The following KCNIP1 variants were observed in gnomAD, a reference collection of about 807,000 sequenced individuals.
KCNIP1 encodes the protein potassium voltage-gated channel interacting protein 1.
In KCNIP1, 18 loss-of-function variants were observed where a neutral mutation model predicts 33.0. The ratio of observed to expected loss-of-function variants is 0.55; its 90% CI spans 0.38 to 0.81. KCNIP1 has a LOEUF of 0.81. Ranked by LOEUF, KCNIP1 falls within the 30% of genes least tolerant of loss-of-function variation. KCNIP1 has a pLI of 0.00. For synonymous variants in KCNIP1, 93 were observed against 98.3 expected (o/e 0.95, Z 0.32); for missense variants, 238 against 271.6 (o/e 0.88, Z 0.87).
intron 1 of KCNIP1, among the ~76,000 whole-genome samples, chr5:170,456,701 T>TTTC (rs1756386571): frequency 2.2e-5 from 3 of 135,678 alleles, no homozygotes; most frequent in African/African-American, 6.0e-5. Flanking sequence ...CTCTCTCTCT[T>TTTC]TTTCTTTCTT....
At chr5:170,487,064 GAA>G (rs1338553478) in intron 1 of KCNIP1, among the ~76,000 whole-genome samples, 1 of 152,180 alleles carries the variant, frequency 6.6e-6, no homozygotes, top group Non-Finnish European at 1.5e-5. Context: ...TCTAGAGAGA[GAA>G]AGAGATTTCC....
intron 1 of KCNIP1, among the ~76,000 whole-genome samples, chr5:170,355,506 A>G: frequency 6.6e-6 from 1 of 152,122 alleles, no homozygotes; most frequent in East Asian, 1.9e-4. Context: ...TCTAGTGGCG[A>G]CCCAGACCCC....
At chr5:170,585,610 C>A (rs11740342) in intron 1 of KCNIP1, among the ~76,000 whole-genome samples, 57,690 of 151,890 alleles carry the variant, frequency 0.38, 11,174 homozygotes, top group East Asian at 0.52. Context: ...ACCTCTCACC[C>A]CCCGCCCCGG....
chr5:170,605,770 C>CTTTTTTTT (rs766469605), intron 1 of KCNIP1, among the ~76,000 whole-genome samples: 9 of 102,326 alleles, frequency 8.8e-5, no homozygotes, highest in African/African-American at 1.1e-4. Context: ...CAACCCTGTT[C>CTTTTTTTT]TTTTTTTTTT....
chr5:170,500,485 C>T (rs1240958470), upstream of KCNIP1, among the ~76,000 whole-genome samples: 2 of 146,268 alleles, frequency 1.4e-5, no homozygotes, highest in African/African-American at 5.6e-5. Context: ...GACAACAGGA[C>T]AAATGGCTCC....
At chr5:170,372,771 A>G (rs1311955950) in intron 1 of KCNIP1, among the ~76,000 whole-genome samples, 1 of 152,214 alleles carries the variant, frequency 6.6e-6, no homozygotes, top group Non-Finnish European at 1.5e-5. Context: ...GTTGAGTAAA[A>G]GGGGCTCCAG....
intron 1 of KCNIP1, among the ~76,000 whole-genome samples, chr5:170,699,964 T>C (rs377487332): frequency 9.9e-5 from 15 of 152,172 alleles, no homozygotes; most frequent in East Asian, 7.7e-4. Flanking sequence ...ATAACAAGAC[T>C]GTATTTTCTT....
At chr5:170,683,785 A>G (rs898540404) in intron 1 of KCNIP1, among the ~76,000 whole-genome samples, 2 of 150,678 alleles carry the variant, frequency 1.3e-5, no homozygotes, top group Admixed American at 6.6e-5. Flanking sequence ...GTGCAGTGGC[A>G]TGATATCAGT....
intron 1 of KCNIP1, among the ~76,000 whole-genome samples, chr5:170,570,444 C>A (rs1215456887): frequency 6.6e-6 from 1 of 152,130 alleles, no homozygotes; most frequent in Admixed American, 6.5e-5. Flanking sequence ...CATACTCTCT[C>A]CCCCACCCCC....
intron 1 of KCNIP1, among the ~76,000 whole-genome samples, chr5:170,623,417 G>A (rs1292556673): frequency 1.3e-5 from 2 of 151,924 alleles, no homozygotes; most frequent in Admixed American, 6.6e-5. Context: ...TCTCCATGTT[G>A]GTCAGGCTGG....
At chr5:170,565,679 G>C (rs571981151) in intron 1 of KCNIP1, among the ~76,000 whole-genome samples, 45 of 152,144 alleles carry the variant, frequency 3.0e-4, no homozygotes, top group Non-Finnish European at 5.4e-4. Flanking sequence ...TTGGTTCAAG[G>C]CATGTGTTTT....
intron 1 of KCNIP1, among the ~76,000 whole-genome samples, chr5:170,551,580 C>T (rs1756635720): frequency 6.6e-6 from 1 of 152,148 alleles, no homozygotes; most frequent in African/African-American, 2.4e-5. Flanking sequence ...CATTCTCTTT[C>T]CTTCACCACA....
chr5:170,414,729 G>T (rs1755282713), intron 1 of KCNIP1, among the ~76,000 whole-genome samples: 1 of 152,212 alleles, frequency 6.6e-6, no homozygotes, highest in South Asian at 2.1e-4. Context: ...CTTACAAAAT[G>T]TGTGTGTGTT....
intron 1 of KCNIP1, chr5:170,681,571 TTTTTTA>T (rs1762353402): frequency 6.4e-6 from 1 of 155,744 alleles, no homozygotes; most frequent in South Asian, 2.1e-4. Flanking sequence ...GTTGATTAAC[TTTTTTA>T]AAGAAGTTTA....
intron 1 of KCNIP1, among the ~76,000 whole-genome samples, chr5:170,480,236 A>G (rs1235709247): frequency 6.6e-6 from 1 of 152,230 alleles, no homozygotes; most frequent in Non-Finnish European, 1.5e-5. Flanking sequence ...TTAGAGTATG[A>G]AGTGATACAG....
chr5:170,663,961 A>G (rs1316722696), intron 1 of KCNIP1, among the ~76,000 whole-genome samples: 1 of 151,688 alleles, frequency 6.6e-6, no homozygotes, highest in African/African-American at 2.4e-5. Context: ...CCCTGTCTGT[A>G]CTCTCCTCCA....
At chr5:170,468,731 A>G (rs1004820954) in intron 1 of KCNIP1, among the ~76,000 whole-genome samples, 1 of 151,846 alleles carries the variant, frequency 6.6e-6, no homozygotes, top group African/African-American at 2.4e-5. Flanking sequence ...AAAAAAAACC[A>G]CACAAAAATT....
At chr5:170,727,785 T>G (rs1581553094) in intron 5 of KCNIP1, among the ~76,000 whole-genome samples, 3 of 151,300 alleles carry the variant, frequency 2.0e-5, no homozygotes, top group Admixed American at 2.0e-4. Context: ...AAACAAAAAT[T>G]TAAAAATTAC....
intron 1 of KCNIP1, among the ~76,000 whole-genome samples, chr5:170,531,164 G>GT (rs1168106955): frequency 2.2e-4 from 33 of 152,306 alleles, no homozygotes; most frequent in African/African-American, 7.7e-4. Flanking sequence ...AAGAGAATCA[G>GT]TTGAGGATGT....
Sources: allele counts gnomAD v4.1 joint callset (sites outside exome capture counted in the v4.1 genomes callset), GRCh38; gene constraint gnomAD v4.1.1; transcripts MANE v1.5; gene names NCBI Gene and HGNC (gene_info 2026-07-23, HGNC 2026-07-21).